The following MAP2 variants were observed in gnomAD, a reference collection of about 807,000 sequenced individuals.
The protein encoded by MAP2 is microtubule associated protein 2.
In MAP2, 14 loss-of-function variants were observed where a neutral mutation model predicts 137.6. That is an observed-to-expected ratio of 0.10 (90% CI 0.07 to 0.16). The LOEUF is 0.16. MAP2 is among the 10% of genes least tolerant of loss of function. The probability of loss-of-function intolerance (pLI) is 1.00; values close to 1 mark genes in which losing one functional copy is unlikely to be tolerated. For synonymous variants in MAP2, 786 were observed against 782.3 expected, an observed-to-expected ratio of 1.00 and a Z score of -0.08; for missense variants, 2,088 against 2,191.5, an observed-to-expected ratio of 0.95 and a Z score of 0.94.
intron 2 of MAP2, among the ~76,000 whole-genome samples, chr2:209,537,850 T>C (rs1271560019): frequency 6.6e-6 from 1 of 152,208 alleles, no homozygotes; most frequent in Non-Finnish European, 1.5e-5. Context: ...GTTAATTTCC[T>C]TTATAGTCTG....
chr2:209,564,783 C>T (rs1288259840), intron 2 of MAP2, among the ~76,000 whole-genome samples: 3 of 151,974 alleles, frequency 2.0e-5, no homozygotes, highest in Admixed American at 2.0e-4. Context: ...AATCTTTTTT[C>T]ATGCTTTACG....
intron 1 of MAP2, among the ~76,000 whole-genome samples, chr2:209,491,473 A>T (rs902024150): frequency 2.0e-5 from 3 of 152,116 alleles, no homozygotes; most frequent in African/African-American, 7.2e-5. Context: ...AGAGAGAGAC[A>T]TGAAACACCC....
At chr2:209,451,921 C>G (rs1052951409) in intron 1 of MAP2, among the ~76,000 whole-genome samples, 6 of 152,176 alleles carry the variant, frequency 3.9e-5, no homozygotes, top group Non-Finnish European at 8.8e-5. Flanking sequence ...ACCCTTGTTA[C>G]TGACCACACA....
chr2:209,590,969 A>C (rs187324318), intron 3 of MAP2, among the ~76,000 whole-genome samples: 1 of 152,332 alleles, frequency 6.6e-6, no homozygotes, highest in East Asian at 1.9e-4. Context: ...TGCCAAGTAC[A>C]TACCATGTTT....
chr2:209,434,900 A>T (rs1440899290), intron 1 of MAP2, among the ~76,000 whole-genome samples: 1 of 136,956 alleles, frequency 7.3e-6, no homozygotes, highest in East Asian at 2.0e-4. Context: ...TATATGTTAT[A>T]TATATATGTT....
At chr2:209,473,881 T>A (rs886126098) in intron 1 of MAP2, among the ~76,000 whole-genome samples, 7 of 152,160 alleles carry the variant, frequency 4.6e-5, no homozygotes, top group Non-Finnish European at 1.0e-4. Flanking sequence ...GCATATATTT[T>A]AAAAAAATTA....
intron 2 of MAP2, among the ~76,000 whole-genome samples, chr2:209,533,771 G>A (rs1259807767): frequency 6.6e-6 from 1 of 152,204 alleles, no homozygotes; most frequent in East Asian, 1.9e-4. Context: ...TAGGGACATC[G>A]ATGTGATGCC....
intron 5 of MAP2, among the ~76,000 whole-genome samples, chr2:209,658,181 G>A (rs531519076): frequency 6.6e-6 from 1 of 152,222 alleles, no homozygotes; most frequent in African/African-American, 2.4e-5. Context: ...GTAAAATATT[G>A]AGTGGAAAAT....
intron 4 of MAP2, among the ~76,000 whole-genome samples, chr2:209,638,886 A>T (rs1401434353): frequency 1.3e-5 from 2 of 152,196 alleles, no homozygotes; most frequent in Non-Finnish European, 2.9e-5. Context: ...TATTCAATCA[A>T]TGATCATTGA....
chr2:209,642,439 A>T lies in MAP2; in HGVS notation c.-29-10703A>T, dbSNP rs991359421. Among the ~76,000 whole-genome samples the T allele has an allele frequency of 3.3e-5, 5 of 151,906 alleles. No individual in the cohort carries two copies. The South Asian group carries it at 8.3e-4, about 25-fold the overall frequency. On this transcript the variant is annotated intron_variant, in intron 4 of 15. Coordinates refer to ENST00000682079, the MANE Select transcript of MAP2 (RefSeq NM_001375505.1). ...GAGACCCTGTCTTTGAAAAAAAAAA[A>T]AAAGAAAGAAAAAGAAGAAAACACA...
chr2:209,596,617 C>T (rs1421592260), intron 3 of MAP2, among the ~76,000 whole-genome samples: 1 of 152,178 alleles, frequency 6.6e-6, no homozygotes, highest in Non-Finnish European at 1.5e-5. Flanking sequence ...AACAACTATG[C>T]TCAAATATTG....
At chr2:209,610,260 C>T (rs1047033432) in intron 3 of MAP2, among the ~76,000 whole-genome samples, 2 of 151,780 alleles carry the variant, frequency 1.3e-5, no homozygotes, top group Non-Finnish European at 2.9e-5. Context: ...ATGACAGAGG[C>T]AAGGTAACAG....
chr2:209,667,061 T>TATTTTGGACACTCTAAACTCTATTTAAA lies in MAP2; in HGVS notation c.263-11508_263-11481dup, dbSNP rs527377159. Among the ~76,000 whole-genome samples, 1,167 of 152,054 alleles carry TATTTTGGACACTCTAAACTCTATTTAAA rather than the reference T, an allele frequency of 7.7e-3. 15 individuals carry two copies. The highest frequency in any genetic ancestry group is 0.026 in the African/African-American group (1,090 of 41,488). ...AATACGATATTTGCTTTTTAAAGAG[T>TATTTTGGACACTCTAAACTCTATTTAAA]ATTTTGGACACTCTAAACTCTATTT... On this transcript the variant is annotated intron_variant, in intron 5 of 15. Transcript: ENST00000682079.
At chr2:209,458,664 A>C (rs1364953534) in intron 1 of MAP2, among the ~76,000 whole-genome samples, 4 of 152,120 alleles carry the variant, frequency 2.6e-5, no homozygotes, top group Non-Finnish European at 5.9e-5. Flanking sequence ...TGTGTTGTTT[A>C]CCTCTAATCA....
At position 209,497,476 on chromosome 2, in the gene MAP2, C is replaced by A. The variant is rs185258972; in HGVS notation, c.-221-10116C>A. Among the ~76,000 whole-genome samples the A allele has an allele frequency of 6.8e-4, 103 of 152,256 alleles. 1 individual carries two copies. Among genetic ancestry groups the A allele is most frequent in the African/African-American group, 2.4e-3 (99 of 41,552 alleles). ...TGTTGTGTAAGCCACATGTCTAGGG[C>A]ATTTTGTTATGTTAGACTATATTAG... On this transcript the variant is annotated intron_variant, in intron 1 of 15. Coordinates refer to ENST00000682079, the MANE Select transcript of MAP2 (RefSeq NM_001375505.1).
chr2:209,491,777 A>G (rs2059145730), intron 1 of MAP2, among the ~76,000 whole-genome samples: 1 of 152,200 alleles, frequency 6.6e-6, no homozygotes, highest in Non-Finnish European at 1.5e-5. Flanking sequence ...GATCAATAAC[A>G]AGTTCTGAAA....
intron 1 of MAP2, among the ~76,000 whole-genome samples, chr2:209,502,144 C>T (rs1023947045): frequency 1.3e-5 from 2 of 152,058 alleles, no homozygotes; most frequent in Non-Finnish European, 2.9e-5. Flanking sequence ...TTTCAGTAGA[C>T]CTTACAATAT....
intron 2 of MAP2, among the ~76,000 whole-genome samples, chr2:209,578,404 G>A (rs532731440): frequency 2.7e-5 from 4 of 146,724 alleles, no homozygotes; most frequent in African/African-American, 1.1e-4. Flanking sequence ...TGATGGAGGC[G>A]ATTCTTTCAA....
At chr2:209,515,355 A>C (rs965349304) in intron 2 of MAP2, among the ~76,000 whole-genome samples, 2 of 152,116 alleles carry the variant, frequency 1.3e-5, no homozygotes, top group African/African-American at 4.8e-5. Flanking sequence ...TCACACTGCT[A>C]TGAAGAACTT....
Sources: gnomAD v4.1 joint callset for allele counts (sites outside exome capture counted in the v4.1 genomes callset) on GRCh38, gnomAD v4.1.1 for gene constraint, MANE v1.5 for transcripts, NCBI Gene and HGNC (gene_info 2026-07-23, HGNC 2026-07-21) for gene names.